The following LMNA variants were observed in gnomAD, a reference collection of about 807,000 sequenced individuals.
LMNA encodes the protein lamin.
In LMNA, 20 loss-of-function variants were observed where a neutral mutation model predicts 70.4. The observed-to-expected ratio is 0.28, with a 90% CI of 0.20 to 0.41. LMNA has a LOEUF of 0.41. LMNA is among the 10% of genes least tolerant of loss of function. The probability of loss-of-function intolerance (pLI) is 1.00; values close to 1 mark genes in which losing one functional copy is unlikely to be tolerated. For missense variants in LMNA, 652 were observed against 917.2 expected (o/e 0.71, Z 3.73); for synonymous variants, 339 against 372.8 (o/e 0.91, Z 1.04).
intron 3 of LMNA, among the ~76,000 whole-genome samples, chr1:156,105,362 A>T (rs902886527): frequency 6.6e-6 from 1 of 151,598 alleles, no homozygotes; most frequent in Non-Finnish European, 1.5e-5. Context: ...GCCCAAGTGC[A>T]GTCCCTTCCC....
chr1:156,122,898 GA>G (rs1054531975), intron 1 of LMNA, among the ~76,000 whole-genome samples: 2 of 152,178 alleles, frequency 1.3e-5, no homozygotes, highest in Non-Finnish European at 2.9e-5. Context: ...TAAGGAAGGG[GA>G]AAGAGTTTGG....
intron 2 of LMNA, among the ~76,000 whole-genome samples, chr1:156,086,995 C>T (rs1648504499): frequency 6.6e-6 from 1 of 152,074 alleles, no homozygotes; most frequent in South Asian, 2.1e-4. Context: ...TTATCACTGT[C>T]TGAACACTCA....
intron 1 of LMNA, among the ~76,000 whole-genome samples, chr1:156,121,883 AG>A (rs1273558022): frequency 6.6e-6 from 1 of 152,146 alleles, no homozygotes. Flanking sequence ...AGCCGGGCGC[AG>A]TGGCTCACGC....
At chr1:156,139,057 C>T (rs1271823871) in intron 11 of LMNA, 23 bp from the exon 12 acceptor site, 2 of 1,613,558 alleles carry the variant, frequency 1.2e-6, no homozygotes, top group East Asian at 4.5e-5. Context: ...GCTCACACCT[C>T]TCTCCTCTGT....
At chr1:156,107,939 G>T (rs1649410966) in intron 3 of LMNA, among the ~76,000 whole-genome samples, 1 of 151,436 alleles carries the variant, frequency 6.6e-6, no homozygotes, top group African/African-American at 2.4e-5. Context: ...CTGATTTTTT[G>T]TATTTTTGGT....
intron 1 of LMNA, among the ~76,000 whole-genome samples, chr1:156,116,216 G>A (rs903761082): frequency 7.2e-5 from 11 of 152,138 alleles, no homozygotes; most frequent in African/African-American, 2.7e-4. Context: ...CTTTGCTCGG[G>A]CCCATCCTCT....
At chr1:156,087,122 G>A (rs1373042114) in intron 2 of LMNA, among the ~76,000 whole-genome samples, 2 of 152,118 alleles carry the variant, frequency 1.3e-5, no homozygotes, top group African/African-American at 4.8e-5. Context: ...AAGCAGACTG[G>A]CCCTTAAAGA....
intron 3 of LMNA, among the ~76,000 whole-genome samples, chr1:156,100,758 T>C (rs547690496): frequency 1.3e-5 from 2 of 152,238 alleles, no homozygotes; most frequent in South Asian, 2.1e-4. Context: ...CAAACATGTA[T>C]TGAGAACCTT....
chr1:156,126,719 C>T (rs1650612751), intron 1 of LMNA: 1 of 1,558,206 alleles, frequency 6.4e-7, no homozygotes, highest in Non-Finnish European at 8.7e-7. Flanking sequence ...CCCTCTCTTC[C>T]CTCTTTCTGA....
At chr1:156,111,212 G>A (rs1003739300), upstream of LMNA, among the ~76,000 whole-genome samples, 4 of 151,912 alleles carry the variant, frequency 2.6e-5, no homozygotes, top group Non-Finnish European at 5.9e-5. Context: ...CACTTTGGGA[G>A]GCTAAGGTGA....
Position 156,114,948 on chromosome 1 carries a change from C to G in LMNA, c.30C>G (p.Thr10=). 1 of 1,571,770 alleles carries G rather than the reference C, an allele frequency of 6.4e-7. No homozygotes were observed. Among genetic ancestry groups the G allele is most frequent in the Non-Finnish European group, 8.6e-7 (1 of 1,158,302 alleles). Residue 10 remains threonine (T), a synonymous_variant, in exon 1 of 12, where the codon ACC becomes ACG. Coordinates refer to ENST00000368300, the MANE Select transcript of LMNA (RefSeq NM_170707.4). METPSQRRA[T]RSGAQASSTP... Reference sequence around the variant, plus strand: ...AGACCCCGTCCCAGCGGCGCGCCACCCGCAGCGGGGCGCAGGCCAGCTCCA... The same window carrying G: ...AGACCCCGTCCCAGCGGCGCGCCACGCGCAGCGGGGCGCAGGCCAGCTCCA...
intron 1 of LMNA, among the ~76,000 whole-genome samples, chr1:156,122,612 TC>T (rs1183082901): frequency 1.5e-4 from 23 of 152,190 alleles, no homozygotes; most frequent in Admixed American, 6.5e-4. Flanking sequence ...TCGATGCCTC[TC>T]CCTTCTGGAC....
upstream of LMNA, among the ~76,000 whole-genome samples, chr1:156,110,880 G>C (rs771445652): frequency 6.6e-6 from 1 of 152,142 alleles, no homozygotes; most frequent in Non-Finnish European, 1.5e-5. Context: ...TGAGGCTGAG[G>C]CAGGCAAATC....
intron 2 of LMNA, among the ~76,000 whole-genome samples, chr1:156,087,878 CTT>C (rs577355919): frequency 7.0e-6 from 1 of 143,868 alleles, no homozygotes. Context: ...TTCTTTCTTT[CTT>C]TTTTTTTTTT....
At position 156,140,044 on chromosome 1, in the gene LMNA, C is replaced by G; in HGVS notation, c.*938C>G. 1.9e-6 allele frequency: 1 copy of G among 519,974 alleles called. No homozygotes were observed. The highest frequency in any genetic ancestry group is 2.3e-5 in the South Asian group (1 of 43,286). 32.2% of individuals were successfully genotyped at this position (519,974 alleles called of 1,614,324 possible). On this transcript the variant is annotated 3_prime_UTR_variant, in exon 12 of 12. Transcript: ENST00000368300. The stretch of plus-strand genomic sequence containing the variant: ...GCCTCCCCATTTCCCATCTGCACCC[C>G]TTCTCTCCTCCCCAAATCAATACAC...
At chr1:156,113,441 G>C (rs1377185897), upstream of LMNA, among the ~76,000 whole-genome samples, 1 of 152,160 alleles carries the variant, frequency 6.6e-6, no homozygotes, top group Non-Finnish European at 1.5e-5. Flanking sequence ...GAGGATGGAG[G>C]CTCCAGAGCC....
chr1:156,138,535 C>G lies in LMNA; in HGVS notation c.1746C>G (p.Arg582=). The G allele has an allele frequency of 6.2e-7, 1 of 1,612,644 alleles. No individual in the cohort carries two copies. Among genetic ancestry groups the G allele is most frequent in the Non-Finnish European group, 8.5e-7 (1 of 1,179,794 alleles). The change falls in exon 11 of 12, where the codon CGC becomes CGG. Residue 582 remains arginine, a synonymous_variant. Coordinates refer to ENST00000368300, the MANE Select transcript of LMNA (RefSeq NM_170707.4). This position sits in a 1 kb window ranked among gnomAD's most constrained non-coding sequence, Gnocchi z 5.5. ...SSGDPAEYNL[R]SRTVLCGTCG... ...GGGACCCCGCTGAGTACAACCTGCG[C>G]TCGCGCACCGTGCTGTGCGGGACCT...
At chr1:156,107,205 GGGCA>G (rs1649380453) in intron 3 of LMNA, among the ~76,000 whole-genome samples, 1 of 152,168 alleles carries the variant, frequency 6.6e-6, no homozygotes, top group Non-Finnish European at 1.5e-5. Context: ...GGGGGGACTG[GGGCA>G]GGTGGGAGGG....
At chr1:156,116,977 G>A (rs1649868910) in intron 1 of LMNA, among the ~76,000 whole-genome samples, 3 of 148,262 alleles carry the variant, frequency 2.0e-5, no homozygotes, top group Admixed American at 6.7e-5. Context: ...GAAGTGGTGC[G>A]ATCTTGGCTC....
Sources: gnomAD v4.1 joint callset for allele counts (sites outside exome capture counted in the v4.1 genomes callset) on GRCh38, gnomAD v4.1.1 for gene constraint, Gnocchi (gnomAD v3.1) non-coding constraint, MANE v1.5 for transcripts, NCBI Gene and HGNC (gene_info 2026-07-23, HGNC 2026-07-21) for gene names.